ZFYVE9: variants seen among roughly 807,000 people sequenced by gnomAD.
The protein encoded by ZFYVE9 is zinc finger FYVE domain-containing protein 9.
Under a neutral mutation model 126.7 loss-of-function variants are expected in ZFYVE9, and 43 were observed. The ratio of observed to expected loss-of-function variants is 0.34; its 90% confidence interval spans 0.27 to 0.44. The LOEUF (loss-of-function observed/expected upper bound fraction) is 0.44. ZFYVE9 is among the 20% of genes least tolerant of loss of function. The probability of loss-of-function intolerance (pLI) is 1.00; values close to 1 mark genes in which losing one functional copy is unlikely to be tolerated. For synonymous variants in ZFYVE9, 521 were observed against 597.4 expected (o/e 0.87, Z 1.87); for missense variants, 1,476 against 1,697.0 (o/e 0.87, Z 2.29).
At chr1:52,343,431 G>C (rs192841441) in intron 17 of ZFYVE9, among the ~76,000 whole-genome samples, 1 of 150,614 alleles carries the variant, frequency 6.6e-6, no homozygotes, top group Admixed American at 6.6e-5. Flanking sequence ...GGGCAATAGA[G>C]CGAGACTCCA....
chr1:52,272,668 A>C (rs997456085), intron 7 of ZFYVE9, among the ~76,000 whole-genome samples: 1 of 139,272 alleles, frequency 7.2e-6, no homozygotes, highest in East Asian at 2.0e-4. Flanking sequence ...GCTGCTAGAA[A>C]TAATCTTTTT....
chr1:52,227,745 C>T (rs1201845538), intron 2 of ZFYVE9, among the ~76,000 whole-genome samples: 1 of 152,190 alleles, frequency 6.6e-6, no homozygotes, highest in Non-Finnish European at 1.5e-5. Context: ...TCTAATTTCT[C>T]ATGGTTTATT....
chr1:52,172,017 T>G (rs1644576507), intron 1 of ZFYVE9, among the ~76,000 whole-genome samples: 1 of 152,136 alleles, frequency 6.6e-6, no homozygotes, highest in African/African-American at 2.4e-5. Flanking sequence ...AGATCCCATT[T>G]GTCAATTTTG....
intron 13 of ZFYVE9, among the ~76,000 whole-genome samples, chr1:52,328,780 C>T (rs1258403686): frequency 6.6e-6 from 1 of 152,174 alleles, no homozygotes; most frequent in Non-Finnish European, 1.5e-5. Flanking sequence ...AATCTTCTAG[C>T]TGACTCATCC....
chr1:52,216,274 A>G lies in ZFYVE9; in HGVS notation c.-142-95A>G, dbSNP rs569920308. ...TAATTTTATCTACTGTTTCAGCCCT[A>G]TTGCTTTCATTTGTCTGGCTATGGT... On this transcript the variant is annotated intron_variant, in intron 1 of 18. Transcript: ENST00000287727. 2.0e-5 allele frequency: 8 copies of G among 397,184 alleles called. No individual in the cohort carries two copies. In the Admixed American group the frequency reaches 2.6e-4, roughly 13 times the overall value. The allele number at this position is 397,184 out of a possible 1,614,324, so 24.6% of individuals were successfully genotyped here.
intron 1 of ZFYVE9, among the ~76,000 whole-genome samples, chr1:52,155,873 G>GA (rs1180400846): frequency 6.6e-6 from 1 of 152,196 alleles, no homozygotes; most frequent in Non-Finnish European, 1.5e-5. Flanking sequence ...CTTTGGAGGG[G>GA]ATGTGTTGGC....
intron 13 of ZFYVE9, among the ~76,000 whole-genome samples, chr1:52,311,353 C>T (rs1024814804): frequency 2.0e-5 from 3 of 150,488 alleles, no homozygotes; most frequent in Non-Finnish European, 2.9e-5. Context: ...CAACCTTCAC[C>T]TCCTAGGTTC....
chr1:52,161,499 C>T lies in ZFYVE9; in HGVS notation c.-143+19096C>T, dbSNP rs867208483. ...AGAGACAGGGTTTTGCTATGTTGCC[C>T]AGGCTGGTCTTGAACTCTTGAGCTC... On this transcript the variant is annotated intron_variant, in intron 1 of 18. Coordinates refer to ENST00000287727, the MANE Select transcript of ZFYVE9 (RefSeq NM_004799.4). 1.2e-4 allele frequency among the ~76,000 whole-genome samples: 18 copies of T among 152,216 alleles called. No individual in the cohort carries two copies. The Middle Eastern group carries it at 0.01, about 86-fold the overall frequency.
chr1:52,241,774 G>T (rs1645336161), intron 4 of ZFYVE9, among the ~76,000 whole-genome samples: 1 of 151,854 alleles, frequency 6.6e-6, no homozygotes, highest in Admixed American at 6.6e-5. Context: ...AGAAGAAAAG[G>T]GCTTATAAAC....
intron 10 of ZFYVE9, among the ~76,000 whole-genome samples, chr1:52,288,538 A>T (rs1227104967): frequency 6.6e-6 from 1 of 152,260 alleles, no homozygotes; most frequent in Non-Finnish European, 1.5e-5. Context: ...GTAGTCATGC[A>T]TAACTGCAGT....
chr1:52,179,606 C>G (rs934896367), intron 1 of ZFYVE9, among the ~76,000 whole-genome samples: 9 of 151,690 alleles, frequency 5.9e-5, no homozygotes, highest in African/African-American at 2.2e-4. Context: ...TGCACTCCAA[C>G]CTATGCAACA....
At chr1:52,248,471 C>G (rs974529430) in intron 4 of ZFYVE9, among the ~76,000 whole-genome samples, 1 of 152,212 alleles carries the variant, frequency 6.6e-6, no homozygotes, top group East Asian at 1.9e-4. Flanking sequence ...AGTCCACTGA[C>G]TCAAATGTCA....
intron 1 of ZFYVE9, chr1:52,180,371 T>C: frequency 6.5e-7 from 1 of 1,542,744 alleles, no homozygotes; most frequent in South Asian, 1.1e-5. Flanking sequence ...CTCAGTTTAT[T>C]GGTCCTCTGG....
intron 7 of ZFYVE9, 75 bp from the exon 8 acceptor site, chr1:52,274,389 T>G: frequency 6.8e-7 from 1 of 1,462,754 alleles, no homozygotes; most frequent in Non-Finnish European, 9.2e-7. Flanking sequence ...TAAGTTCCCA[T>G]TTGTATTTTT....
intron 1 of ZFYVE9, among the ~76,000 whole-genome samples, chr1:52,186,778 C>G (rs984987313): frequency 6.6e-6 from 1 of 152,058 alleles, no homozygotes; most frequent in African/African-American, 2.4e-5. Flanking sequence ...TGAAAGATCT[C>G]TACAATGAGA....
intron 10 of ZFYVE9, among the ~76,000 whole-genome samples, chr1:52,287,185 G>A (rs1229429662): frequency 6.6e-6 from 1 of 152,120 alleles, no homozygotes; most frequent in South Asian, 2.1e-4. Flanking sequence ...TGCCTCCCGG[G>A]TTCAAGTGAT....
intron 9 of ZFYVE9, among the ~76,000 whole-genome samples, chr1:52,279,666 A>G (rs963048708): frequency 2.0e-5 from 3 of 152,050 alleles, no homozygotes; most frequent in African/African-American, 7.2e-5. Flanking sequence ...CAGGAGTCTC[A>G]CCATGTTGCC....
chr1:52,275,236 G>T (rs1365219051), intron 8 of ZFYVE9, among the ~76,000 whole-genome samples: 1 of 151,678 alleles, frequency 6.6e-6, no homozygotes, highest in African/African-American at 2.4e-5. Context: ...ATTTTTTTTT[G>T]TTTTTGTTTT....
At chr1:52,244,068 AC>A (rs748279991) in intron 4 of ZFYVE9, among the ~76,000 whole-genome samples, 2 of 152,138 alleles carry the variant, frequency 1.3e-5, no homozygotes, top group Non-Finnish European at 2.9e-5. Flanking sequence ...CAGGAAAGGG[AC>A]CATTGGACTT....
Sources: gnomAD v4.1 joint callset for allele counts (sites outside exome capture counted in the v4.1 genomes callset) on GRCh38, gnomAD v4.1.1 for gene constraint, MANE v1.5 for transcripts, NCBI Gene and HGNC (gene_info 2026-07-23, HGNC 2026-07-21) for gene names.